The following TKTL1 variants were observed in gnomAD, a reference collection of about 807,000 sequenced individuals.
TKTL1 encodes transketolase like 1.
A neutral mutation model predicts 39.3 loss-of-function variants in TKTL1; 1 was observed. The observed-to-expected ratio is 0.03, with a 90% CI of 0.01 to 0.12. The LOEUF (loss-of-function observed/expected upper bound fraction) is 0.12, where lower values mean the gene tolerates loss of function less well. Ranked by LOEUF, TKTL1 falls within the 10% of genes least tolerant of loss-of-function variation. TKTL1 has a pLI of 1.00. For missense variants in TKTL1, 575 were observed against 509.6 expected, an observed-to-expected ratio of 1.13 and a Z score of -1.24; for synonymous variants, 262 against 193.8, an observed-to-expected ratio of 1.35 and a Z score of -2.92.
chrX:154,312,889 T>TTA, intron 6 of TKTL1, 116 bp downstream of exon 6: 4 of 695,963 alleles, frequency 5.7e-6, no homozygotes, highest in Non-Finnish European at 8.3e-6. Flanking sequence ...GACGAACCAA[T>TTA]TACTAGAGTG....
At chrX:154,303,966 C>T (rs782026598) in intron 1 of TKTL1, among the ~76,000 whole-genome samples, 63 of 109,917 alleles carry the variant, frequency 5.7e-4, no homozygotes, top group Non-Finnish European at 1.0e-3. Flanking sequence ...AAGGGCACAT[C>T]GTCTTTTTGG....
intron 1 of TKTL1, among the ~76,000 whole-genome samples, chrX:154,300,180 TAATTTTTG>T (rs1344700664): frequency 9.0e-6 from 1 of 111,203 alleles, no homozygotes; most frequent in Non-Finnish European, 1.9e-5. Flanking sequence ...CACTGCCAGC[TAATTTTTG>T]TATTTTTAGT....
chrX:154,325,666 A>G (rs782041789), intron 10 of TKTL1, among the ~76,000 whole-genome samples: 1 of 112,604 alleles, frequency 8.9e-6, no homozygotes, highest in East Asian at 2.8e-4. Flanking sequence ...CAAAGATAGT[A>G]ACATGAAGCC....
intron 1 of TKTL1, among the ~76,000 whole-genome samples, chrX:154,303,379 A>ATTTTTTTT (rs1172255094): frequency 3.0e-5 from 1 of 33,667 alleles, no homozygotes; most frequent in Non-Finnish European, 5.2e-5. Context: ...TGCCCAGCTA[A>ATTTTTTTT]TTTTTTTTTT....
chrX:154,308,604 A>C (rs1557167675), intron 2 of TKTL1, among the ~76,000 whole-genome samples: 1 of 111,757 alleles, frequency 8.9e-6, no homozygotes, highest in Non-Finnish European at 1.9e-5. Flanking sequence ...CCAGGTCGAA[A>C]TGGTGGCTGC....
At chrX:154,300,504 T>C (rs1484623424) in intron 1 of TKTL1, among the ~76,000 whole-genome samples, 1 of 112,045 alleles carries the variant, frequency 8.9e-6, no homozygotes, top group African/African-American at 3.3e-5. Context: ...AGTATATTCC[T>C]AGGGTGGGTT....
chrX:154,323,923 G>GA (rs1569551144), intron 9 of TKTL1, among the ~76,000 whole-genome samples: 1 of 112,656 alleles, frequency 8.9e-6, no homozygotes, highest in Non-Finnish European at 1.9e-5. Flanking sequence ...AGGCAGTGTG[G>GA]TCTTGATCTT....
chrX:154,307,144 G>A (rs998451098), intron 2 of TKTL1, among the ~76,000 whole-genome samples: 10 of 109,732 alleles, frequency 9.1e-5, no homozygotes, highest in Admixed American at 2.0e-4. Context: ...GTGGTGGTGC[G>A]TGCCTGCAGC....
intron 1 of TKTL1, among the ~76,000 whole-genome samples, chrX:154,301,816 C>G (rs1165963993): frequency 1.8e-4 from 19 of 105,642 alleles, no homozygotes; most frequent in South Asian, 8.7e-4. Context: ...TGGTTTCGAA[C>G]TCCCGACCTC....
Position 154,320,047 on chromosome X carries a change from C to G in TKTL1, c.1030-710C>G, listed in dbSNP as rs147074487. Among the ~76,000 whole-genome samples, 374 of 112,406 alleles carry G rather than the reference C, an allele frequency of 3.3e-3. 5 individuals carry two copies. Among genetic ancestry groups the G allele is most frequent in the Admixed American group, 0.023 (247 of 10,698 alleles). On this transcript the variant is annotated intron_variant, in intron 7 of 12. Transcript: ENST00000369915. ...GGGTGCACAGGGCCCTGAGGACTTG[C>G]CCCAGCAGCGCCCATGAGGCGACAG...
At chrX:154,301,708 C>T (rs376996541) in intron 1 of TKTL1, among the ~76,000 whole-genome samples, 1 of 109,727 alleles carries the variant, frequency 9.1e-6, no homozygotes, top group African/African-American at 3.3e-5. Flanking sequence ...AAATCATCCA[C>T]TTACAGGACA....
rs1557171254 is a variant in TKTL1, at chrX:154,323,214, T to C, written c.1194T>C (p.Asp398=). The C allele has an allele frequency of 8.3e-7, 1 of 1,210,632 alleles. No individual in the cohort carries two copies. Reference sequence around the variant, plus strand: ...GGGCTCTGGTTCTCTCAGGTGACGATGGTGCTTCCCAGATGGCCCTGGAGG... The same window carrying C: ...GGGCTCTGGTTCTCTCAGGTGACGACGGTGCTTCCCAGATGGCCCTGGAGG... ...GSHCGVSVGD[D]GASQMALEDI... Residue 398 remains aspartate (D), a synonymous_variant, in exon 9 of 13, where the codon GAT becomes GAC. Transcript: ENST00000369915.
chrX:154,303,627 C>G (rs1557166504), intron 1 of TKTL1, among the ~76,000 whole-genome samples: 1 of 106,017 alleles, frequency 9.4e-6, no homozygotes, highest in Non-Finnish European at 1.9e-5. Context: ...TTTTCTGCTT[C>G]TCTTTCCCAA....
In TKTL1 at chrX:154,315,350, T is replaced by G; in HGVS notation, c.1029+13T>G. 8.4e-7 allele frequency: 1 copy of G among 1,196,085 alleles called. No individual in the cohort carries two copies. Among genetic ancestry groups the G allele is most frequent in the Non-Finnish European group, 1.1e-6 (1 of 885,210 alleles). ...TGAACAAAACATGGTGAGTGTGTAG[T>G]GTCTCTCAGGGCTTCTTAGAATCAA... On this transcript the variant is annotated intron_variant, in intron 7 of 12. Coordinates refer to ENST00000369915, the MANE Select transcript of TKTL1 (RefSeq NM_012253.4).
At chrX:154,320,507 G>A (rs1557170352) in intron 7 of TKTL1, 7 of 387,408 alleles carry the variant, frequency 1.8e-5, no homozygotes, top group South Asian at 4.9e-5. Flanking sequence ...GGAAAGCTGC[G>A]GACACCAGGA....
rs184063898 is a variant in TKTL1, at chrX:154,301,243, C to T, written c.135-4061C>T. Among the ~76,000 whole-genome samples the T allele has an allele frequency of 7.6e-3, 837 of 110,070 alleles. 3 individuals carry two copies. Among genetic ancestry groups the T allele is most frequent in the Non-Finnish European group, 0.011 (553 of 52,649 alleles). ...TTTTTTAAATCTTGTTGGCCAGGCG[C>T]GGTGGCTCATGCCTGTAATCCCAGC... On this transcript the variant is annotated intron_variant, in intron 1 of 12. Transcript: ENST00000369915.
intron 5 of TKTL1, among the ~76,000 whole-genome samples, chrX:154,312,223 C>T (rs1488830092): frequency 8.9e-6 from 1 of 112,567 alleles, no homozygotes; most frequent in African/African-American, 3.2e-5. Flanking sequence ...CAGTGGCCCT[C>T]AGGGGCATAG....
intron 9 of TKTL1, 37 bp from the exon 10 acceptor site, chrX:154,325,302 T>C: frequency 1.7e-6 from 2 of 1,157,047 alleles, no homozygotes; most frequent in South Asian, 1.8e-5. Flanking sequence ...AAATTCATTG[T>C]TTGCTTTTCT....
chrX:154,314,607 C>T (rs1341598624), intron 6 of TKTL1, among the ~76,000 whole-genome samples: 1 of 110,995 alleles, frequency 9.0e-6, no homozygotes, highest in Non-Finnish European at 1.9e-5. Context: ...CTCACTGCAA[C>T]CTCTGCCCCC....
Sources: gnomAD v4.1 joint callset for allele counts (sites outside exome capture counted in the v4.1 genomes callset) on GRCh38, gnomAD v4.1.1 for gene constraint, MANE v1.5 for transcripts, NCBI Gene and HGNC (gene_info 2026-07-23, HGNC 2026-07-21) for gene names.